Variants in HEATR1 observed in about 807,000 individuals in gnomAD.
HEATR1 encodes HEAT repeat containing 1.
In HEATR1, 77 loss-of-function variants were observed where a neutral mutation model predicts 248.2. That is an observed-to-expected ratio of 0.31 (90% CI 0.26 to 0.37). The LOEUF (loss-of-function observed/expected upper bound fraction) is 0.37, where lower values mean the gene tolerates loss of function less well. Among genes scored for constraint, HEATR1 ranks in the 10% least tolerant of loss-of-function variants. The pLI, the probability that HEATR1 is intolerant of heterozygous loss-of-function variation, is 1.00. For missense variants in HEATR1, 2,420 were observed against 2,504.9 expected (o/e 0.97, Z 0.72); for synonymous variants, 897 against 923.1 (o/e 0.97, Z 0.51).
At chr1:236,567,685 G>A (rs1218256766) in intron 29 of HEATR1, among the ~76,000 whole-genome samples, 1 of 150,396 alleles carries the variant, frequency 6.6e-6, no homozygotes, top group Non-Finnish European at 1.5e-5. Context: ...CTCTAGCCTG[G>A]GCAACAAGAG....
intron 28 of HEATR1, among the ~76,000 whole-genome samples, chr1:236,570,153 G>A (rs1336659190): frequency 2.6e-5 from 4 of 152,186 alleles, no homozygotes; most frequent in Non-Finnish European, 5.9e-5. Context: ...GCCGGGCGTG[G>A]TGGCGGGTGC....
In HEATR1 at chr1:236,559,648, C is replaced by T. The variant is rs1042855729; in HGVS notation, c.4770+66G>A. ...GCTAAGTTTATTCTTAAAAACTTTA[C>T]ATAATTTCACAATAATTTAAAAAAC... On this transcript the variant is annotated intron_variant, in intron 34 of 44. Coordinates refer to ENST00000366582, the MANE Select transcript of HEATR1 (RefSeq NM_018072.6). 5.3e-6 allele frequency: 8 copies of T among 1,507,834 alleles called. 1 individual carries two copies. Among genetic ancestry groups the T allele is most frequent in the Admixed American group, 2.1e-5 (1 of 48,626 alleles). The allele number at this position is 1,507,834 out of a possible 1,614,324, so 93.4% of individuals were successfully genotyped here.
In HEATR1 at chr1:236,550,546, G is replaced by A. The variant is rs1662680752; in HGVS notation, c.*356C>T. The A allele has an allele frequency of 5.0e-6, 1 of 198,838 alleles. No homozygotes were observed. The highest frequency in any genetic ancestry group is 2.3e-5 in the African/African-American group (1 of 43,060). The allele number at this position is 198,838 out of a possible 1,614,324, so 12.3% of individuals were successfully genotyped here. A position where few individuals can be genotyped will look rare whatever the true frequency, so the allele number is the denominator to read the frequency against. On this transcript the variant is annotated 3_prime_UTR_variant, in exon 45 of 45. Transcript: ENST00000366582. ...CATGTATGTAAGATACTGCTGTACA[G>A]AAGAGTTAAGGCTTACAGTGCAAAT... is the stretch of plus-strand genomic sequence containing the variant.
At chr1:236,600,207 A>G (rs1006080233) in intron 3 of HEATR1, among the ~76,000 whole-genome samples, 1 of 134,772 alleles carries the variant, frequency 7.4e-6, no homozygotes, top group Non-Finnish European at 1.5e-5. Context: ...GGCTCACTGC[A>G]ACCTCCACCT....
At chr1:236,561,346 A>C in intron 32 of HEATR1, 75 bp from the exon 33 acceptor site, 2 of 1,141,104 alleles carry the variant, frequency 1.8e-6, no homozygotes, top group Admixed American at 1.9e-5. Flanking sequence ...AGTTCAATGA[A>C]ACTCGGACCA....
chr1:236,582,921 C>T, intron 18 of HEATR1, 49 bp from the exon 19 acceptor site: 1 of 1,607,854 alleles, frequency 6.2e-7, no homozygotes, highest in Non-Finnish European at 8.5e-7. Flanking sequence ...CATGAACATG[C>T]TGGGAGCTTT....
rs112399621 is a variant in HEATR1 at position 236,562,625 on chromosome 1, T to TA, written c.4600-1355dup. Among the ~76,000 whole-genome samples, 1,030 of 152,336 alleles carry TA rather than the reference T, an allele frequency of 6.8e-3. 15 individuals carry two copies. The highest frequency in any genetic ancestry group is 0.024 in the African/African-American group (986 of 41,568). ...CACCATACCACTGTCCTTGGCCCCT[T>TA]ACAGTTTGGTATCAATGTATCAATA... On this transcript the variant is annotated intron_variant, in intron 32 of 44. Transcript: ENST00000366582.
intron 12 of HEATR1, among the ~76,000 whole-genome samples, chr1:236,588,453 T>C (rs1403088076): frequency 6.6e-6 from 1 of 152,212 alleles, no homozygotes; most frequent in African/African-American, 2.4e-5. Flanking sequence ...GATCTCACTA[T>C]TCTCACCTAT....
At chr1:236,572,861 T>TA in intron 24 of HEATR1, 33 bp from the exon 25 acceptor site, 1 of 1,552,224 alleles carries the variant, frequency 6.4e-7, no homozygotes, top group South Asian at 1.1e-5. Flanking sequence ...GTTGATGATA[T>TA]AATCCATTGG....
chr1:236,598,307 A>G (rs1406671229), intron 4 of HEATR1, among the ~76,000 whole-genome samples: 2 of 152,196 alleles, frequency 1.3e-5, no homozygotes, highest in Non-Finnish European at 2.9e-5. Context: ...AGCCACTATG[A>G]TACGCTTCTG....
chr1:236,567,054 A>G (rs763768087), intron 29 of HEATR1, among the ~76,000 whole-genome samples, 178 bp from the exon 30 acceptor site: 1 of 152,120 alleles, frequency 6.6e-6, no homozygotes, highest in Non-Finnish European at 1.5e-5. Context: ...TGATGTGATC[A>G]TATCTCACCG....
At chr1:236,603,788 G>C (rs1439919825) in intron 2 of HEATR1, among the ~76,000 whole-genome samples, 166 bp downstream of exon 2, 1 of 150,796 alleles carries the variant, frequency 6.6e-6, no homozygotes, top group African/African-American at 2.4e-5. Context: ...CAAGCACCAA[G>C]CACCTGACTG....
At chr1:236,574,986 T>C in intron 22 of HEATR1, 83 bp from the exon 23 acceptor site, 1 of 1,343,638 alleles carries the variant, frequency 7.4e-7, no homozygotes. Flanking sequence ...CAAAGCCTGC[T>C]GGAAGATGGG....
chr1:236,550,862 G>T lies in HEATR1; in HGVS notation c.*40C>A. On this transcript the variant is annotated 3_prime_UTR_variant, in exon 45 of 45. Coordinates refer to ENST00000366582, the MANE Select transcript of HEATR1 (RefSeq NM_018072.6). ...CCAAAAATAAAAATATGAAATATGA[G>T]TGTGAACTCTGAGTAGAGTATGAAA... The T allele has an allele frequency of 6.9e-7, 1 of 1,457,330 alleles. No individual in the cohort carries two copies. The highest frequency in any genetic ancestry group is 9.4e-7 in the Non-Finnish European group (1 of 1,066,698). The allele number at this position is 1,457,330 out of a possible 1,614,324, so 90.3% of individuals were successfully genotyped here.
In HEATR1 at chr1:236,555,672, C is replaced by G; in HGVS notation, c.5650-17G>C. 5 of 1,612,684 alleles carry G rather than the reference C, an allele frequency of 3.1e-6. No individual in the cohort carries two copies. The highest frequency in any genetic ancestry group is 4.2e-6 in the Non-Finnish European group (5 of 1,178,712). On this transcript the variant is annotated splice_polypyrimidine_tract_variant and intron_variant, in intron 39 of 44. Transcript: ENST00000366582. ...CAGATCGTTCTGAAAACAGAAGAGC[C>G]CATTTATTAGAGTGCTGATACCTGA... is the stretch of plus-strand genomic sequence containing the variant.
At chr1:236,554,513 A>T (rs1398960120) in intron 42 of HEATR1, 85 bp downstream of exon 42, 14 of 1,182,754 alleles carry the variant, frequency 1.2e-5, no homozygotes, top group Non-Finnish European at 1.6e-5. Flanking sequence ...AATCCTAGCA[A>T]GCTGTCATTT....
rs529617910 is a variant in HEATR1 at position 236,600,475 on chromosome 1, A to T, written c.360-851T>A. ...TGCCAACTGATCCCTCTTCTGTGAA[A>T]ACTCTCCTATCCTTTTACATCGTGT... On this transcript the variant is annotated intron_variant, in intron 3 of 44. Coordinates refer to ENST00000366582, the MANE Select transcript of HEATR1 (RefSeq NM_018072.6). Among the ~76,000 whole-genome samples, 3 of 151,392 alleles carry T rather than the reference A, an allele frequency of 2.0e-5. No individual in the cohort carries two copies. The East Asian group carries it at 5.9e-4, about 30-fold the overall frequency.
intron 36 of HEATR1, among the ~76,000 whole-genome samples, chr1:236,557,973 C>T (rs1266405484): frequency 1.1e-4 from 17 of 152,182 alleles, no homozygotes; most frequent in Non-Finnish European, 1.5e-5. Flanking sequence ...GGGTCTCACT[C>T]TGTTGCCCAG....
chr1:236,564,567 C>T lies in HEATR1; in HGVS notation c.4530G>A (p.Leu1510=). The T allele has an allele frequency of 6.2e-7, 1 of 1,613,976 alleles. No homozygotes were observed. Among genetic ancestry groups the T allele is most frequent in the East Asian group, 2.2e-5 (1 of 44,870 alleles). Residue 1510 remains leucine (L), a synonymous_variant, in exon 32 of 45, where the codon CTG becomes CTA. Coordinates refer to ENST00000366582, the MANE Select transcript of HEATR1 (RefSeq NM_018072.6). ...ACACTGACAAAAATTTAAAATGCCG[C>T]AGTTGCTTGCTAGTGTGAGTCTCTA... ...FNVETHTSKQ[L]RHFKFLSVSF...
Sources: allele counts gnomAD v4.1 joint callset (sites outside exome capture counted in the v4.1 genomes callset), GRCh38; gene constraint gnomAD v4.1.1; transcripts MANE v1.5; gene names NCBI Gene and HGNC (gene_info 2026-07-23, HGNC 2026-07-21).